ACAP2: variants seen among roughly 807,000 people sequenced by gnomAD.
The protein encoded by ACAP2 is ArfGAP with coiled-coil, ankyrin repeat and PH domains 2, also known as arf-GAP with coiled-coil, ANK repeat and PH domain-containing protein 2.
ACAP2 carries 39 observed loss-of-function variants against 115.8 expected under a neutral mutation model. That is an observed-to-expected ratio of 0.34 (90% CI 0.26 to 0.44). The LOEUF is 0.44. ACAP2 is among the 20% of genes least tolerant of loss of function. The pLI is 1.00. For missense variants in ACAP2, 662 were observed against 927.6 expected, an observed-to-expected ratio of 0.71 and a Z score of 3.72; for synonymous variants, 289 against 315.8, an observed-to-expected ratio of 0.92 and a Z score of 0.90.
chr3:195,420,960 T>A (rs764754319), intron 1 of ACAP2, among the ~76,000 whole-genome samples: 4 of 152,126 alleles, frequency 2.6e-5, no homozygotes, highest in African/African-American at 4.8e-5. Context: ...CAATTTTGAA[T>A]GATTTACTTG....
chr3:195,284,220 T>C (rs1383174868), intron 22 of ACAP2, among the ~76,000 whole-genome samples: 1 of 152,234 alleles, frequency 6.6e-6, no homozygotes, highest in African/African-American at 2.4e-5. Context: ...TAACTTAAAA[T>C]CGTGAGGTTC....
chr3:195,300,008 G>A (rs1294189256), intron 15 of ACAP2, among the ~76,000 whole-genome samples: 1 of 149,684 alleles, frequency 6.7e-6, no homozygotes, highest in African/African-American at 2.5e-5. Context: ...ATGGGAATTA[G>A]TATCTACTTT....
chr3:195,281,146 C>T (rs929556639), intron 22 of ACAP2, among the ~76,000 whole-genome samples: 3 of 152,170 alleles, frequency 2.0e-5, no homozygotes, highest in Admixed American at 1.3e-4. Flanking sequence ...TGGCTCACGC[C>T]TCTAATCCCA....
intron 6 of ACAP2, among the ~76,000 whole-genome samples, chr3:195,338,692 G>A (rs1238928285): frequency 2.0e-5 from 3 of 152,066 alleles, no homozygotes; most frequent in Non-Finnish European, 4.4e-5. Flanking sequence ...TTGCCTTTTA[G>A]AGGATCTCTC....
chr3:195,406,003 T>C (rs755659398), intron 1 of ACAP2, among the ~76,000 whole-genome samples: 1 of 152,080 alleles, frequency 6.6e-6, no homozygotes, highest in African/African-American at 2.4e-5. Flanking sequence ...ACACCAGGCT[T>C]ACCTCCAGCA....
intron 1 of ACAP2, among the ~76,000 whole-genome samples, chr3:195,414,686 T>C (rs1267187675): frequency 1.3e-5 from 2 of 152,202 alleles, no homozygotes; most frequent in Non-Finnish European, 2.9e-5. Context: ...CTGAGACTTT[T>C]TGAGCAACCA....
chr3:195,394,104 G>A (rs1274677265), intron 1 of ACAP2, among the ~76,000 whole-genome samples: 1 of 152,132 alleles, frequency 6.6e-6, no homozygotes, highest in Non-Finnish European at 1.5e-5. Flanking sequence ...GGAAAAAGAA[G>A]TCCAAACACC....
intron 2 of ACAP2, among the ~76,000 whole-genome samples, chr3:195,389,948 C>T (rs1217192449): frequency 1.3e-5 from 2 of 152,188 alleles, no homozygotes; most frequent in Non-Finnish European, 2.9e-5. Context: ...GTAATCCCGG[C>T]ACTTTGGGAG....
intron 4 of ACAP2, among the ~76,000 whole-genome samples, chr3:195,378,476 G>GC (rs1733719197): frequency 6.7e-6 from 1 of 148,482 alleles, no homozygotes; most frequent in Non-Finnish European, 1.5e-5. Context: ...TGGCAACAGA[G>GC]CGAGACTCCG....
At chr3:195,306,159 CT>C (rs962675319) in intron 13 of ACAP2, among the ~76,000 whole-genome samples, 1 of 152,118 alleles carries the variant, frequency 6.6e-6, no homozygotes, top group Non-Finnish European at 1.5e-5. Flanking sequence ...TTATGCTTCC[CT>C]TTTTTGCTTT....
chr3:195,402,681 G>A (rs939683005), intron 1 of ACAP2, among the ~76,000 whole-genome samples: 2 of 152,112 alleles, frequency 1.3e-5, no homozygotes, highest in Non-Finnish European at 2.9e-5. Context: ...ACATTATCAT[G>A]ATTTCTTCAA....
At chr3:195,309,529 G>A (rs1226056142) in intron 10 of ACAP2, among the ~76,000 whole-genome samples, 10 of 148,878 alleles carry the variant, frequency 6.7e-5, no homozygotes, top group East Asian at 2.0e-4. Flanking sequence ...CTGGGCGACC[G>A]AGCAAGACTC....
At chr3:195,343,429 C>A (rs1373828452) in intron 5 of ACAP2, among the ~76,000 whole-genome samples, 1 of 152,066 alleles carries the variant, frequency 6.6e-6, no homozygotes, top group South Asian at 2.1e-4. Flanking sequence ...GATTTTACTA[C>A]CATGGGTGGT....
rs111658233 is a variant in ACAP2, at chr3:195,320,644, G to C, written c.857+57C>G. 5.7e-3 allele frequency: 7,161 copies of C among 1,257,742 alleles called. 247 individuals carry two copies. In the African/African-American group the frequency reaches 0.084, roughly 15 times the overall value. 77.9% of individuals were successfully genotyped at this position (1,257,742 alleles called of 1,614,324 possible). ...AAGGAGAGAGTTGTCAAATCACAGG[G>C]AAAGTCAGAAAATCAAAACTATGTA... On this transcript the variant is annotated intron_variant, in intron 10 of 22. Coordinates refer to ENST00000326793, the MANE Select transcript of ACAP2 (RefSeq NM_012287.6).
chr3:195,314,326 G>C (rs530681820), intron 10 of ACAP2, among the ~76,000 whole-genome samples: 4 of 151,910 alleles, frequency 2.6e-5, no homozygotes, highest in Non-Finnish European at 5.9e-5. Context: ...GAGTGCAGTG[G>C]TAAAATCTCG....
chr3:195,354,929 T>G (rs986252609), intron 4 of ACAP2, among the ~76,000 whole-genome samples: 1 of 152,226 alleles, frequency 6.6e-6, no homozygotes, highest in African/African-American at 2.4e-5. Context: ...AATGGCATGA[T>G]CTCAGCTCAC....
intron 4 of ACAP2, among the ~76,000 whole-genome samples, chr3:195,355,470 A>G (rs1731899708): frequency 2.0e-5 from 3 of 152,058 alleles, no homozygotes; most frequent in Non-Finnish European, 4.4e-5. Flanking sequence ...AAAAGCCACC[A>G]ACAGAAAAGC....
At chr3:195,441,289 C>A (rs1422344444) in intron 1 of ACAP2, among the ~76,000 whole-genome samples, 1 of 152,170 alleles carries the variant, frequency 6.6e-6, no homozygotes, top group Non-Finnish European at 1.5e-5. Context: ...AAAAATTACT[C>A]CACTTGCCAT....
At chr3:195,430,833 T>G (rs1037616747) in intron 1 of ACAP2, among the ~76,000 whole-genome samples, 3 of 152,218 alleles carry the variant, frequency 2.0e-5, no homozygotes, top group African/African-American at 7.2e-5. Flanking sequence ...TATTTTCTAT[T>G]CCACCTATGC....
Sources: allele counts gnomAD v4.1 joint callset (sites outside exome capture counted in the v4.1 genomes callset), GRCh38; gene constraint gnomAD v4.1.1; transcripts MANE v1.5; gene names NCBI Gene and HGNC (gene_info 2026-07-23, HGNC 2026-07-21).